PCLO: variants seen among roughly 807,000 people sequenced by gnomAD.
PCLO encodes protein piccolo.
A neutral mutation model predicts 427.5 loss-of-function variants in PCLO; 82 were observed. The ratio of observed to expected loss-of-function variants is 0.19; its 90% CI spans 0.16 to 0.23. The LOEUF (loss-of-function observed/expected upper bound fraction) is 0.23. Ranked by LOEUF, PCLO falls within the 10% of genes least tolerant of loss-of-function variation. PCLO has a pLI of 1.00. For synonymous variants in PCLO, 2,357 were observed against 2,155.4 expected, an observed-to-expected ratio of 1.09 and a Z score of -2.59; for missense variants, 6,239 against 6,115.9, an observed-to-expected ratio of 1.02 and a Z score of -0.67.
intron 3 of PCLO, among the ~76,000 whole-genome samples, chr7:83,093,744 C>T (rs1265035833): frequency 4.0e-5 from 6 of 148,304 alleles, no homozygotes; most frequent in Non-Finnish European, 5.9e-5. Context: ...CCGCCAGCCT[C>T]GGCCTCCCAA....
intron 9 of PCLO, among the ~76,000 whole-genome samples, chr7:82,891,572 G>A (rs946690892): frequency 6.6e-6 from 1 of 152,042 alleles, no homozygotes; most frequent in Non-Finnish European, 1.5e-5. Context: ...CCAACACTAT[G>A]TTGAATAGGA....
intron 22 of PCLO, among the ~76,000 whole-genome samples, chr7:82,783,334 G>T (rs1280404582): frequency 2.0e-5 from 3 of 151,668 alleles, no homozygotes; most frequent in Admixed American, 6.6e-5. Context: ...ACCCTAGAGG[G>T]CCGGGTGTGG....
At chr7:82,793,745 C>T (rs554472760) in intron 22 of PCLO, among the ~76,000 whole-genome samples, 1 of 152,140 alleles carries the variant, frequency 6.6e-6, no homozygotes, top group African/African-American at 2.4e-5. Flanking sequence ...TTCTTTATGC[C>T]TGCTGCATGG....
At chr7:82,801,464 T>A in intron 22 of PCLO, 54 bp downstream of exon 22, 1 of 902,380 alleles carries the variant, frequency 1.1e-6, no homozygotes, top group Non-Finnish European at 1.9e-6. Flanking sequence ...CTGAAACACT[T>A]ATACTGTAGA....
intron 3 of PCLO, among the ~76,000 whole-genome samples, chr7:83,024,611 A>C (rs1164061254): frequency 3.9e-5 from 6 of 152,328 alleles, no homozygotes; most frequent in East Asian, 1.9e-4. Flanking sequence ...ACCACAGCTC[A>C]AGGAGGCCTG....
At chr7:82,784,798 T>C (rs1790947809) in intron 22 of PCLO, among the ~76,000 whole-genome samples, 1 of 152,230 alleles carries the variant, frequency 6.6e-6, no homozygotes, top group Non-Finnish European at 1.5e-5. Context: ...TCATTATTTG[T>C]ACTCATTTAT....
At chr7:83,114,285 C>A (rs151117565) in intron 3 of PCLO, among the ~76,000 whole-genome samples, 1 of 151,890 alleles carries the variant, frequency 6.6e-6, no homozygotes, top group African/African-American at 2.4e-5. Flanking sequence ...AATTGCGATG[C>A]TATATAAGAG....
intron 3 of PCLO, among the ~76,000 whole-genome samples, chr7:83,048,213 A>G (rs1240880499): frequency 6.6e-6 from 1 of 152,076 alleles, no homozygotes; most frequent in Admixed American, 6.6e-5. Context: ...TTATAGGATT[A>G]TGGCATTACT....
Position 82,801,507 on chromosome 7 carries a change from T to C in PCLO, c.15007+11A>G. 1 of 1,484,798 alleles carries C rather than the reference T, an allele frequency of 6.7e-7. No homozygotes were observed. Among genetic ancestry groups the C allele is most frequent in the East Asian group, 2.3e-5 (1 of 44,114 alleles). The allele number at this position is 1,484,798 out of a possible 1,614,324, so 92.0% of individuals were successfully genotyped here. ...TTCAGCCAAAATCCAATATTGTAAA[T>C]TTTTACTTACCTTCAGTGTCTGCTA... On this transcript the variant is annotated intron_variant, in intron 22 of 24. Coordinates refer to ENST00000333891, the MANE Select transcript of PCLO (RefSeq NM_033026.6).
intron 3 of PCLO, among the ~76,000 whole-genome samples, chr7:83,047,511 G>C (rs571864896): frequency 6.6e-6 from 1 of 152,034 alleles, no homozygotes; most frequent in South Asian, 2.1e-4. Context: ...TTTGCATATT[G>C]AGTTGAAAAT....
chr7:83,036,011 A>G (rs555278403), intron 3 of PCLO, among the ~76,000 whole-genome samples: 1 of 152,262 alleles, frequency 6.6e-6, no homozygotes, highest in South Asian at 2.1e-4. Context: ...TAAATACTGT[A>G]TATCTTTATG....
intron 2 of PCLO, among the ~76,000 whole-genome samples, chr7:83,149,842 T>C (rs750461305): frequency 4.1e-4 from 63 of 152,206 alleles, no homozygotes; most frequent in South Asian, 2.1e-4. Flanking sequence ...TTTGTTTTGT[T>C]TATTAAGTGG....
rs2116422650 is a variant in PCLO at position 82,950,661 on chromosome 7, C to T, written c.9927G>A (p.Glu3309=). The T allele has an allele frequency of 6.2e-7, 1 of 1,613,796 alleles. No homozygotes were observed. Among genetic ancestry groups the T allele is most frequent in the South Asian group, 1.1e-5 (1 of 91,076 alleles). Residue 3309 remains glutamate (E), a synonymous_variant, in exon 6 of 25, where the codon GAG becomes GAA. Coordinates refer to ENST00000333891, the MANE Select transcript of PCLO (RefSeq NM_033026.6). ...LQQQLHQQLE[E]QKIRQIYQYN... ...ACTGGTAGATCTGCCGAATCTTTTG[C>T]TCCTCCAGCTGCTGGTGAAGCTGTT...
At chr7:82,816,982 A>C (rs1791691129) in intron 20 of PCLO, among the ~76,000 whole-genome samples, 1 of 152,192 alleles carries the variant, frequency 6.6e-6, no homozygotes, top group South Asian at 2.1e-4. Flanking sequence ...TATTTCCAGC[A>C]ATAAATTTAA....
Position 82,954,604 on chromosome 7 carries a change from T to G in PCLO, c.6349A>C (p.Thr2117Pro), listed in dbSNP as rs1351124840. 4 of 1,613,832 alleles carry G rather than the reference T, an allele frequency of 2.5e-6. No individual in the cohort carries two copies. Among genetic ancestry groups the G allele is most frequent in the African/African-American group, 1.3e-5 (1 of 74,932 alleles). ...TSSVLSGASL[T>P]DSTSSATLSI... Reference sequence around the variant, plus strand: ...AGTGTTGCACTGCTGGTCGAATCTGTAAGAGACGCTCCTGAGAGAACACTT... The same window carrying G: ...AGTGTTGCACTGCTGGTCGAATCTGGAAGAGACGCTCCTGAGAGAACACTT... Residue 2117 changes from threonine to proline, a missense_variant, in exon 5 of 25, where the codon ACA becomes CCA. Coordinates refer to ENST00000333891, the MANE Select transcript of PCLO (RefSeq NM_033026.6).
At chr7:82,760,996 G>A (rs1301334271) in intron 23 of PCLO, among the ~76,000 whole-genome samples, 3 of 113,094 alleles carry the variant, frequency 2.7e-5, no homozygotes, top group Non-Finnish European at 5.0e-5. Context: ...TCTGTCACCA[G>A]TCTGGAATGC....
chr7:82,761,224 T>A (rs565170513), intron 23 of PCLO, 135 bp downstream of exon 23: 1 of 554,100 alleles, frequency 1.8e-6, no homozygotes, highest in South Asian at 2.7e-5. Flanking sequence ...AAACAACTTG[T>A]TACATATGTT....
At chr7:83,092,293 A>ATCTTG (rs1200508085) in intron 3 of PCLO, among the ~76,000 whole-genome samples, 2 of 152,188 alleles carry the variant, frequency 1.3e-5, no homozygotes, top group African/African-American at 4.8e-5. Flanking sequence ...ATTCTCTACA[A>ATCTTG]AACTTGAATC....
chr7:83,075,376 C>T (rs1439177056), intron 3 of PCLO, among the ~76,000 whole-genome samples: 15 of 152,100 alleles, frequency 9.9e-5, no homozygotes, highest in Non-Finnish European at 2.1e-4. Flanking sequence ...AGGCCTTGCT[C>T]AATTATAACA....
Sources: gnomAD v4.1 joint callset for allele counts (sites outside exome capture counted in the v4.1 genomes callset) on GRCh38, gnomAD v4.1.1 for gene constraint, MANE v1.5 for transcripts, NCBI Gene and HGNC (gene_info 2026-07-23, HGNC 2026-07-21) for gene names.